The following WDR47 variants were observed in gnomAD, a reference collection of about 807,000 sequenced individuals.
WDR47 encodes the protein WD repeat-containing protein 47.
A neutral mutation model predicts 97.2 loss-of-function variants in WDR47; 32 were observed. That is an observed-to-expected ratio of 0.33 (90% CI 0.25 to 0.44). The LOEUF is 0.44. Among genes scored for constraint, WDR47 ranks in the 20% least tolerant of loss-of-function variants. WDR47 has a pLI of 1.00. For missense variants in WDR47, 782 were observed against 1,102.3 expected (o/e 0.71, Z 4.11); for synonymous variants, 375 against 373.5 (o/e 1.00, Z -0.05).
chr1:109,001,322 A>T (rs1660170203), intron 7 of WDR47, among the ~76,000 whole-genome samples: 1 of 147,382 alleles, frequency 6.8e-6, no homozygotes. Context: ...AATTAATTAA[A>T]TAAAATAATA....
At chr1:108,985,873 T>C (rs1183148964) in intron 10 of WDR47, among the ~76,000 whole-genome samples, 1 of 151,582 alleles carries the variant, frequency 6.6e-6, no homozygotes, top group Non-Finnish European at 1.5e-5. Context: ...CAGTAAATTA[T>C]AATACTATCA....
At chr1:108,993,610 C>G (rs75879475) in intron 8 of WDR47, among the ~76,000 whole-genome samples, 10,568 of 152,108 alleles carry the variant, frequency 0.069, 476 homozygotes, top group Middle Eastern at 0.13. Context: ...GAAATCCCAG[C>G]AGAACAGTGA....
Position 109,023,789 on chromosome 1 carries a change from TAGAAG to T in WDR47, c.-9-273_-9-269del, listed in dbSNP as rs538849178. 7.3e-3 allele frequency among the ~76,000 whole-genome samples: 1,118 copies of T among 152,236 alleles called. 6 individuals are homozygous for T. The highest frequency in any genetic ancestry group is 0.015 in the South Asian group (73 of 4,830). On this transcript the variant is annotated intron_variant, in intron 1 of 14. Transcript: ENST00000369962. ...AACTTTGTGATTTACATGAAAATAATAGAAGAGAAGAGTGGGAAGAGATAAAGATG... is the reference window on the plus strand; with the variant it reads ...AACTTTGTGATTTACATGAAAATAATAGAAGAGTGGGAAGAGATAAAGATG...
chr1:108,991,565 T>C (rs1659350419), intron 8 of WDR47, among the ~76,000 whole-genome samples: 1 of 152,140 alleles, frequency 6.6e-6, no homozygotes, highest in Non-Finnish European at 1.5e-5. Flanking sequence ...CCACATATTT[T>C]ATAGTGAGAT....
At chr1:109,005,461 C>T (rs746849995) in intron 5 of WDR47, among the ~76,000 whole-genome samples, 25 of 152,062 alleles carry the variant, frequency 1.6e-4, no homozygotes, top group Non-Finnish European at 2.1e-4. Context: ...GTACACAAAT[C>T]GATTTTTTAT....
rs370817422 is a variant in WDR47 at position 109,019,993 on chromosome 1, C to T, written c.159-2392G>A. 2.0e-5 allele frequency among the ~76,000 whole-genome samples: 3 copies of T among 152,010 alleles called. No homozygotes were observed. In the East Asian group the frequency reaches 5.8e-4, roughly 29 times the overall value. On this transcript the variant is annotated intron_variant, in intron 2 of 14. Transcript: ENST00000369962. ...GGCACAGTGGCTCATGCCTGTAAAT[C>T]CTAGCACTTTGGGAGGCCAAGGTGG... is the stretch of plus-strand genomic sequence containing the variant.
chr1:108,995,447 G>A (rs927885129), intron 8 of WDR47, 133 bp downstream of exon 8: 3 of 976,076 alleles, frequency 3.1e-6, no homozygotes, highest in African/African-American at 3.3e-5. Flanking sequence ...ACAAATGAAG[G>A]CAGATTAGGA....
chr1:108,978,483 G>A lies in WDR47; in HGVS notation c.2398+3250C>T, dbSNP rs1173003453. ...AACCTGGGTGACAGAGCGAGACTCCGTCTCAAAAGCAAAAAAAAAAAAAAA... is the reference window on the plus strand; with the variant it reads ...AACCTGGGTGACAGAGCGAGACTCCATCTCAAAAGCAAAAAAAAAAAAAAA... On this transcript the variant is annotated intron_variant, in intron 13 of 14. Transcript: ENST00000369962. Among the ~76,000 whole-genome samples the A allele has an allele frequency of 7.6e-5, 11 of 144,484 alleles. 1 individual carries two copies. The highest frequency in any genetic ancestry group is 2.3e-4 in the African/African-American group (9 of 38,940). 94.8% of individuals were successfully genotyped at this position (144,484 alleles called of 152,430 possible).
intron 1 of WDR47, among the ~76,000 whole-genome samples, chr1:109,032,895 CAAA>C (rs1048806214): frequency 7.3e-6 from 1 of 137,506 alleles, no homozygotes; most frequent in Non-Finnish European, 1.6e-5. Context: ...ACACTCTGTC[CAAA>C]AAAAAAAATT....
At chr1:109,013,711 C>T (rs1439032073) in intron 4 of WDR47, 130 bp downstream of exon 4, 2 of 865,024 alleles carry the variant, frequency 2.3e-6, no homozygotes, top group Non-Finnish European at 3.6e-6. Flanking sequence ...CTGGAAAACA[C>T]CAGATCTTGC....
intron 13 of WDR47, among the ~76,000 whole-genome samples, chr1:108,979,306 C>T (rs1658163261): frequency 6.6e-6 from 1 of 152,186 alleles, no homozygotes; most frequent in Non-Finnish European, 1.5e-5. Flanking sequence ...TGAATGGCAT[C>T]GTCCTGGTTA....
chr1:108,983,830 ATAATAAACATG>A (rs1658547689), intron 10 of WDR47, among the ~76,000 whole-genome samples: 1 of 151,986 alleles, frequency 6.6e-6, no homozygotes, highest in Non-Finnish European at 1.5e-5. Flanking sequence ...TAATAAACAC[ATAATAAACATG>A]TAATAAACAT....
intron 14 of WDR47, among the ~76,000 whole-genome samples, chr1:108,974,014 C>G (rs1657688481): frequency 6.6e-6 from 1 of 151,332 alleles, no homozygotes; most frequent in South Asian, 2.1e-4. Flanking sequence ...CGCAACATGG[C>G]AAAATTTTGT....
chr1:109,000,382 A>AATG (rs1660089007), intron 7 of WDR47, among the ~76,000 whole-genome samples: 1 of 150,896 alleles, frequency 6.6e-6, no homozygotes, highest in East Asian at 2.0e-4. Flanking sequence ...AGTGGTGCGT[A>AATG]CCTGTAATGC....
In WDR47 at chr1:108,978,148, G is replaced by A. The variant is rs536556804; in HGVS notation, c.2399-3394C>T. 2.8e-4 allele frequency among the ~76,000 whole-genome samples: 42 copies of A among 147,716 alleles called. No individual in the cohort carries two copies. The South Asian group carries it at 6.6e-3, about 23-fold the overall frequency. On this transcript the variant is annotated intron_variant, in intron 13 of 14. Coordinates refer to ENST00000369962, the MANE Select transcript of WDR47 (RefSeq NM_001142551.2). The stretch of plus-strand genomic sequence containing the variant: ...GAAATTTCATATCTTACAGTGTCCC[G>A]TAAATAAAGATTAAAGTCCATCCTT...
rs1324972909 is a variant in WDR47 at position 108,982,692 on chromosome 1, A to G, written c.2183T>C (p.Ile728Thr). ...EGPESGGAIL[I>T]SAGAGDCNIY... ...GTTACAATCCCCTGCTCCAGCACTT[A>G]TTAAAATAGCTCCTCCGCTTTCTGG... The change falls in exon 12 of 15, where the codon ATA (isoleucine) becomes ACA (threonine). Residue 728 changes from isoleucine to threonine, a missense_variant. Physicochemically the swap from Ile to Thr is moderately conservative, Grantham distance 89 (BLOSUM62 -1). Transcript: ENST00000369962. 1 of 1,614,176 alleles carries G rather than the reference A, an allele frequency of 6.2e-7. No homozygotes were observed. The highest frequency in any genetic ancestry group is 1.1e-5 in the South Asian group (1 of 91,084).
At chr1:109,025,235 C>T (rs947581904) in intron 1 of WDR47, among the ~76,000 whole-genome samples, 3 of 150,646 alleles carry the variant, frequency 2.0e-5, no homozygotes, top group African/African-American at 2.4e-5. Context: ...CCCAGGAGTG[C>T]GAGACAAGCC....
chr1:108,996,077 C>G (rs916013310), intron 7 of WDR47, among the ~76,000 whole-genome samples: 5 of 152,050 alleles, frequency 3.3e-5, no homozygotes, highest in African/African-American at 1.2e-4. Context: ...ATAGACTTTT[C>G]TTTTTTTGAG....
In WDR47 at chr1:108,982,810, AAT is replaced by A. The variant is rs767385286; in HGVS notation, c.2096-33_2096-32del. On this transcript the variant is annotated intron_variant, in intron 11 of 14. Coordinates refer to ENST00000369962, the MANE Select transcript of WDR47 (RefSeq NM_001142551.2). ...ACAGTAGTAAGAATTAAAAAAAAAA[AAT>A]GCTGCTCAACTTACTGTGATAACTT... 4 of 1,579,258 alleles carry A rather than the reference AAT, an allele frequency of 2.5e-6. No individual in the cohort carries two copies. In the Admixed American group the frequency reaches 7.9e-5, roughly 31 times the overall value.
Sources: allele counts gnomAD v4.1 joint callset (sites outside exome capture counted in the v4.1 genomes callset), GRCh38; gene constraint gnomAD v4.1.1; transcripts MANE v1.5; gene names NCBI Gene and HGNC (gene_info 2026-07-23, HGNC 2026-07-21).